Variants in TNFAIP8L3 observed in about 807,000 individuals in gnomAD.
TNFAIP8L3 encodes the protein tumor necrosis factor alpha-induced protein 8-like protein 3.
In TNFAIP8L3, 7 loss-of-function variants were observed where a neutral mutation model predicts 11.8. That is an observed-to-expected ratio of 0.59 (90% CI 0.34 to 1.11). TNFAIP8L3 has a LOEUF of 1.11. Ranked by LOEUF, TNFAIP8L3 falls within the 50% of genes most tolerant of loss-of-function variation. The pLI, the probability that TNFAIP8L3 is intolerant of heterozygous loss-of-function variation, is 0.03. For missense variants in TNFAIP8L3, 219 were observed against 258.6 expected (o/e 0.85, Z 1.05); for synonymous variants, 98 against 103.8 (o/e 0.94, Z 0.34).
intron 1 of TNFAIP8L3, among the ~76,000 whole-genome samples, chr15:51,084,316 A>G (rs2065412490): frequency 6.6e-6 from 1 of 152,236 alleles, no homozygotes; most frequent in Non-Finnish European, 1.5e-5. Flanking sequence ...ATGTTCTTCA[A>G]ATTAACTTTC....
chr15:51,059,874 C>T (rs1037163690), intron 1 of TNFAIP8L3, among the ~76,000 whole-genome samples: 1 of 152,202 alleles, frequency 6.6e-6, no homozygotes, highest in African/African-American at 2.4e-5. Context: ...CTTGTCTGGT[C>T]CCTCCCTCTC....
intron 1 of TNFAIP8L3, among the ~76,000 whole-genome samples, chr15:51,089,581 A>G (rs1270479515): frequency 2.0e-5 from 3 of 152,204 alleles, no homozygotes; most frequent in Admixed American, 6.5e-5. Flanking sequence ...CATAATTCCT[A>G]ACACAGAGTC....
chr15:51,097,953 CTA>C (rs1216174624), upstream of TNFAIP8L3, among the ~76,000 whole-genome samples: 1 of 152,138 alleles, frequency 6.6e-6, no homozygotes, highest in East Asian at 1.9e-4. Context: ...AGACTTGAAT[CTA>C]GAGTCTGAGG....
chr15:51,088,281 C>T (rs57305511), intron 1 of TNFAIP8L3, among the ~76,000 whole-genome samples: 2,628 of 152,148 alleles, frequency 0.017, 94 homozygotes, highest in African/African-American at 0.06. Context: ...AAGGCAAGTG[C>T]TGTATTTTTT....
chr15:51,084,141 G>A (rs1410517520), intron 1 of TNFAIP8L3, among the ~76,000 whole-genome samples: 2 of 152,126 alleles, frequency 1.3e-5, no homozygotes, highest in East Asian at 1.9e-4. Flanking sequence ...TGTGAGGGGA[G>A]ATTTCTCCCC....
intron 1 of TNFAIP8L3, among the ~76,000 whole-genome samples, chr15:51,062,905 G>A (rs767341771): frequency 6.6e-6 from 1 of 152,156 alleles, no homozygotes; most frequent in Non-Finnish European, 1.5e-5. Context: ...ATTAAGTTGA[G>A]AGTGAAAGAG....
Position 51,058,193 on chromosome 15 carries a change from C to T in TNFAIP8L3, c.303G>A (p.Glu101=). 6.2e-7 allele frequency: 1 copy of T among 1,614,236 alleles called. No individual in the cohort carries two copies. The highest frequency in any genetic ancestry group is 2.2e-5 in the East Asian group (1 of 44,890). ...TCCGGAACTTCTCCACAATAACCAGCTCCTCTTGGCTAAACTGGTTGTTCC... is the reference window on the plus strand; with the variant it reads ...TCCGGAACTTCTCCACAATAACCAGTTCCTCTTGGCTAAACTGGTTGTTCC... ...LYRNNQFSQE[E]LVIVEKFRKK... is the part of the protein sequence containing the mutation. The change falls in exon 2 of 2, where the codon GAG becomes GAA. Residue 101 remains glutamate, a synonymous_variant. Coordinates refer to ENST00000637513, the MANE Select transcript of TNFAIP8L3 (RefSeq NM_001311175.2).
At chr15:51,104,798 T>G (rs1012231930) in intron 1 of TNFAIP8L3, among the ~76,000 whole-genome samples, 3 of 152,198 alleles carry the variant, frequency 2.0e-5, no homozygotes, top group African/African-American at 7.2e-5. Flanking sequence ...GTTGAGTAAT[T>G]TCTGCTGTGT....
chr15:51,104,998 T>G, intron 1 of TNFAIP8L3: 1 of 1,614,198 alleles, frequency 6.2e-7, no homozygotes. Context: ...CCTGAGCCAG[T>G]GCTGACCAAG....
At chr15:51,096,618 A>C (rs1315759740), upstream of TNFAIP8L3, among the ~76,000 whole-genome samples, 1 of 152,206 alleles carries the variant, frequency 6.6e-6, no homozygotes, top group Non-Finnish European at 1.5e-5. Context: ...GGGGCCGGGC[A>C]CGGTGGCTCA....
At chr15:51,072,599 T>C (rs1377511837) in intron 1 of TNFAIP8L3, among the ~76,000 whole-genome samples, 2 of 152,220 alleles carry the variant, frequency 1.3e-5, no homozygotes, top group Non-Finnish European at 2.9e-5. Context: ...CATTTAGGTC[T>C]TTAATCAATC....
chr15:51,059,051 C>T (rs1052378421), intron 1 of TNFAIP8L3, among the ~76,000 whole-genome samples: 1 of 152,188 alleles, frequency 6.6e-6, no homozygotes, highest in Non-Finnish European at 1.5e-5. Context: ...TACCTGTGTG[C>T]ACATCAATTT....
chr15:51,077,975 C>T (rs909665720), intron 1 of TNFAIP8L3, among the ~76,000 whole-genome samples: 15 of 152,210 alleles, frequency 9.9e-5, no homozygotes, highest in African/African-American at 3.6e-4. Context: ...GTGACAAGAA[C>T]CCCGTTTTAG....
At chr15:51,080,350 C>T (rs886719999) in intron 1 of TNFAIP8L3, among the ~76,000 whole-genome samples, 4 of 152,112 alleles carry the variant, frequency 2.6e-5, no homozygotes. Context: ...TCCTAAAGTT[C>T]GTAGCAGAAT....
chr15:51,059,666 A>T lies in TNFAIP8L3; in HGVS notation c.53-1223T>A, dbSNP rs189307868. ...GAATGGTGCTGTTGAGTAAAATACA[A>T]GAGAAATGCAGAAGAATAAGAAAGT... On this transcript the variant is annotated intron_variant, in intron 1 of 1. Coordinates refer to ENST00000637513, the MANE Select transcript of TNFAIP8L3 (RefSeq NM_001311175.2). Among the ~76,000 whole-genome samples the T allele has an allele frequency of 4.7e-3, 711 of 152,382 alleles. 7 individuals carry two copies. The highest frequency in any genetic ancestry group is 3.4e-3 in the Non-Finnish European group (231 of 68,042).
upstream of TNFAIP8L3, among the ~76,000 whole-genome samples, chr15:51,095,262 A>AGCGGGGAATAAGGGAAGGGG (rs1225604385): frequency 2.7e-3 from 43 of 16,226 alleles, no homozygotes; most frequent in African/African-American, 9.2e-3. Flanking sequence ...AAGGGAAGGG[A>AGCGGGGAATAAGGGAAGGGG]GCGGGGAATA....
intron 1 of TNFAIP8L3, among the ~76,000 whole-genome samples, chr15:51,089,772 T>C (rs927969589): frequency 6.6e-6 from 1 of 152,152 alleles, no homozygotes; most frequent in African/African-American, 2.4e-5. Flanking sequence ...CCCAGGAACA[T>C]GAAGAAGCAC....
At position 51,064,270 on chromosome 15, in the gene TNFAIP8L3, C is replaced by A. The variant is rs1567286861; in HGVS notation, c.53-5827G>T. 2.6e-5 allele frequency among the ~76,000 whole-genome samples: 4 copies of A among 152,114 alleles called. 1 individual carries two copies. Among genetic ancestry groups the A allele is most frequent in the African/African-American group, 9.7e-5 (4 of 41,410 alleles). ...GTCCTCCAACATGTATCCTATAGAG[C>A]ACTTGTCCTGTTAGATGCTCCAGGA... On this transcript the variant is annotated intron_variant, in intron 1 of 1. Transcript: ENST00000637513.
At chr15:51,067,208 G>C (rs563564573) in intron 1 of TNFAIP8L3, among the ~76,000 whole-genome samples, 42 of 152,292 alleles carry the variant, frequency 2.8e-4, no homozygotes, top group African/African-American at 9.4e-4. Flanking sequence ...TGATTTAGAA[G>C]GGTTAGGGAA....
Sources: allele counts gnomAD v4.1 joint callset (sites outside exome capture counted in the v4.1 genomes callset), GRCh38; gene constraint gnomAD v4.1.1; transcripts MANE v1.5; gene names NCBI Gene and HGNC (gene_info 2026-07-23, HGNC 2026-07-21).